The following EIF3A variants were observed in gnomAD, a reference collection of about 807,000 sequenced individuals.
EIF3A encodes EIF3, p180 subunit.
In EIF3A, 21 loss-of-function variants were observed where a neutral mutation model predicts 186.6. That is an observed-to-expected ratio of 0.11 (90% CI 0.08 to 0.16). The LOEUF is 0.16. EIF3A is among the 10% of genes least tolerant of loss of function. EIF3A has a pLI of 1.00. For synonymous variants in EIF3A, 563 were observed against 584.3 expected, an observed-to-expected ratio of 0.96 and a Z score of 0.52; for missense variants, 1,306 against 1,796.3, an observed-to-expected ratio of 0.73 and a Z score of 4.93.
chr10:119,059,616 G>A lies in EIF3A; in HGVS notation c.1429C>T (p.His477Tyr), dbSNP rs1843848813. 2 of 1,613,576 alleles carry A rather than the reference G, an allele frequency of 1.2e-6. No individual in the cohort carries two copies. The highest frequency in any genetic ancestry group is 1.3e-5 in the African/African-American group (1 of 74,904). ...CACATACCTACCTGCAAGTCGCAAT[G>A]CCTGGCTGCATCTACTATGGCCCGT... ...LERAIVDAAR[H>Y]CDLQVRIDHT... Residue 477 changes from histidine (H) to tyrosine (Y), a missense_variant, in exon 10 of 22, where the codon CAT becomes TAT. His to Tyr is a moderately conservative substitution (Grantham distance 83). This residue lies in a region of EIF3A where 267 missense variants were observed against 367.8 expected (regional missense o/e 0.73). Transcript: ENST00000369144.
At chr10:119,072,441 T>C (rs1252897103) in intron 4 of EIF3A, among the ~76,000 whole-genome samples, 2 of 36,880 alleles carry the variant, frequency 5.4e-5, no homozygotes, top group African/African-American at 1.2e-4. Flanking sequence ...TGGTTTTGTT[T>C]TGTTTTGTTT....
intron 7 of EIF3A, among the ~76,000 whole-genome samples, chr10:119,062,436 C>G: frequency 6.6e-6 from 1 of 152,192 alleles, no homozygotes; most frequent in Non-Finnish European, 1.5e-5. Context: ...GTTATGGAAG[C>G]CTAACGCTCA....
In EIF3A at chr10:119,061,232, C is replaced by A; in HGVS notation, c.1219G>T (p.Val407Phe). The change falls in exon 8 of 22, where the codon GTC (valine) becomes TTC (phenylalanine). Residue 407 changes from valine to phenylalanine, a missense_variant. This residue lies in a region of EIF3A where 267 missense variants were observed against 367.8 expected (regional missense o/e 0.73). Transcript: ENST00000369144. ...TAAATACAAAGGCTTACCTTTGTGACTCGCTCACAGAGTTTTAATGGGTTA... is the reference window on the plus strand; with the variant it reads ...TAAATACAAAGGCTTACCTTTGTGAATCGCTCACAGAGTTTTAATGGGTTA... ...EFNPLKLCER[V>F]TKVLNWVREQ... The A allele has an allele frequency of 6.4e-7, 1 of 1,552,238 alleles. No individual in the cohort carries two copies. Among genetic ancestry groups the A allele is most frequent in the Non-Finnish European group, 8.8e-7 (1 of 1,135,850 alleles).
chr10:119,077,090 T>C (rs751171595), intron 1 of EIF3A, among the ~76,000 whole-genome samples: 24 of 152,220 alleles, frequency 1.6e-4, no homozygotes, highest in Admixed American at 2.6e-4. Context: ...AATGACCTAT[T>C]GTATCCAACT....
chr10:119,066,957 A>G (rs181906116), intron 6 of EIF3A, among the ~76,000 whole-genome samples: 1 of 151,880 alleles, frequency 6.6e-6, no homozygotes, highest in East Asian at 1.9e-4. Context: ...TCATGCCTGT[A>G]ATCCCAACAC....
rs764312064 is a variant in EIF3A at position 119,042,511 on chromosome 10, A to G, written c.3009T>C (p.Asp1003=). 6 of 1,614,010 alleles carry G rather than the reference A, an allele frequency of 3.7e-6. No homozygotes were observed. The highest frequency in any genetic ancestry group is 4.5e-5 in the East Asian group (2 of 44,862). ...CATGACGCCAGTTTCCCCTGTCTTC[A>G]TCGGCAATTCGTCTGGGAGGCCTGT... ...DDDRPPRRIA[D]EDRGNWRHAD... Residue 1003 remains aspartate, a synonymous_variant, in exon 19 of 22, where the codon GAT becomes GAC. Transcript: ENST00000369144. The surrounding 1 kb of genome is among the most constrained non-coding windows in gnomAD (Gnocchi z 7.8).
chr10:119,073,813 G>A lies in EIF3A; in HGVS notation c.174C>T (p.Cys58=), dbSNP rs759090747. ...CCAAGTGGCTCTTGCGAAGATCCAC[G>A]CAAAGTTCCAAGTATTTCAACATAA... ...EPIMLKYLEL[C]VDLRKSHLAK... is the part of the protein sequence containing the mutation. The change falls in exon 2 of 22, where the codon TGC becomes TGT. Residue 58 remains cysteine, a synonymous_variant. Transcript: ENST00000369144. 5.0e-6 allele frequency: 8 copies of A among 1,613,756 alleles called. No individual in the cohort carries two copies. Among genetic ancestry groups the A allele is most frequent in the African/African-American group, 2.7e-5 (2 of 75,010 alleles).
At chr10:119,039,953 T>C (rs1032037667) in intron 19 of EIF3A, among the ~76,000 whole-genome samples, 5 of 152,194 alleles carry the variant, frequency 3.3e-5, no homozygotes, top group African/African-American at 9.7e-5. Context: ...GAGTTCAGTA[T>C]TCATGGCAAC....
chr10:119,069,932 T>C (rs1844044526), intron 5 of EIF3A, among the ~76,000 whole-genome samples: 1 of 152,118 alleles, frequency 6.6e-6, no homozygotes, highest in African/African-American at 2.4e-5. Context: ...TCGGGCAATA[T>C]AAAGAAAAAA....
chr10:119,073,100 T>C, intron 3 of EIF3A, 47 bp from the exon 4 acceptor site: 1 of 1,549,290 alleles, frequency 6.5e-7, no homozygotes, highest in Non-Finnish European at 8.7e-7. Flanking sequence ...GTTTCCTACT[T>C]TGCCATGTGA....
chr10:119,060,869 A>T, intron 8 of EIF3A, 25 bp from the exon 9 acceptor site: 2 of 1,470,352 alleles, frequency 1.4e-6, no homozygotes, highest in Non-Finnish European at 1.9e-6. Context: ...AAATTGAAAG[A>T]GAATCACACT....
At chr10:119,050,993 G>C (rs927467110) in intron 15 of EIF3A, among the ~76,000 whole-genome samples, 5 of 152,128 alleles carry the variant, frequency 3.3e-5, no homozygotes, top group Admixed American at 3.3e-4. Flanking sequence ...AACAAAACTT[G>C]TATTAAATTA....
intron 17 of EIF3A, among the ~76,000 whole-genome samples, chr10:119,044,422 C>T (rs969177416): frequency 6.6e-6 from 1 of 152,188 alleles, no homozygotes; most frequent in Non-Finnish European, 1.5e-5. Context: ...ACCTAGAAAT[C>T]CCCTTTGAAG....
chr10:119,073,131 C>A, intron 3 of EIF3A, 78 bp from the exon 4 acceptor site: 1 of 1,373,436 alleles, frequency 7.3e-7, no homozygotes, highest in South Asian at 1.4e-5. Flanking sequence ...AAACAATGTT[C>A]ATCAGAAAAC....
Position 119,037,209 on chromosome 10 carries a change from T to G in EIF3A, c.3829A>C (p.Arg1277=), listed in dbSNP as rs1353612295. 7.4e-6 allele frequency: 12 copies of G among 1,614,030 alleles called. No individual in the cohort carries two copies. The highest frequency in any genetic ancestry group is 1.0e-5 in the Non-Finnish European group (12 of 1,179,976). ...DRDRDDRRRE[R]DDRRDLRERR... ...TCTCTTAGATCACGCCGGTCATCCCTCTCACGGCGACGGTCATCCCTATCC... is the reference window on the plus strand; with the variant it reads ...TCTCTTAGATCACGCCGGTCATCCCGCTCACGGCGACGGTCATCCCTATCC... The change falls in exon 21 of 22, where the codon AGG becomes CGG. Residue 1277 remains arginine (R), a synonymous_variant. Transcript: ENST00000369144.
chr10:119,062,891 G>A (rs943608651), intron 7 of EIF3A, among the ~76,000 whole-genome samples: 3 of 151,384 alleles, frequency 2.0e-5, no homozygotes, highest in East Asian at 1.9e-4. Context: ...GGGATTACAC[G>A]CATGCACCAC....
chr10:119,041,940 A>G, intron 19 of EIF3A, 54 bp downstream of exon 19: 1 of 1,543,946 alleles, frequency 6.5e-7, no homozygotes, highest in Admixed American at 1.7e-5. Context: ...TATCCATCAG[A>G]ATTTCACTTT....
At chr10:119,074,224 G>C (rs1844121110) in intron 1 of EIF3A, among the ~76,000 whole-genome samples, 1 of 152,176 alleles carries the variant, frequency 6.6e-6, no homozygotes, top group Non-Finnish European at 1.5e-5. Flanking sequence ...CTAGCAATTT[G>C]AGAGGCCGAG....
intron 18 of EIF3A, among the ~76,000 whole-genome samples, chr10:119,043,508 G>A (rs1251120240): frequency 6.6e-6 from 1 of 151,794 alleles, no homozygotes. Context: ...CAGCTACTCA[G>A]GAGGCTGAGG....
Sources: gnomAD v4.1 joint callset for allele counts (sites outside exome capture counted in the v4.1 genomes callset) on GRCh38, gnomAD v4.1.1 for gene constraint, gnomAD v4.1.1 regional missense constraint, Gnocchi (gnomAD v3.1) non-coding constraint, MANE v1.5 for transcripts, NCBI Gene and HGNC (gene_info 2026-07-23, HGNC 2026-07-21) for gene names.